The following ROBO2 variants were observed in gnomAD, a reference collection of about 807,000 sequenced individuals.
The protein encoded by ROBO2 is roundabout homolog 2.
In ROBO2, 53 loss-of-function variants were observed where a neutral mutation model predicts 160.8. The observed-to-expected ratio is 0.33, with a 90% CI of 0.26 to 0.41. The LOEUF is 0.41. Ranked by LOEUF, ROBO2 falls within the 10% of genes least tolerant of loss-of-function variation. The pLI is 1.00. For missense variants in ROBO2, 1,577 were observed against 1,722.4 expected (o/e 0.92, Z 1.49); for synonymous variants, 664 against 611.7 (o/e 1.09, Z -1.26).
chr3:77,551,704 C>T (rs182217658), intron 8 of ROBO2, among the ~76,000 whole-genome samples: 20 of 152,056 alleles, frequency 1.3e-4, no homozygotes, highest in African/African-American at 3.9e-4. Context: ...TTATTTCTTA[C>T]TCTCCTTTAT....
chr3:76,676,459 A>C (rs551976174), intron 2 of ROBO2, among the ~76,000 whole-genome samples: 16 of 152,286 alleles, frequency 1.1e-4, no homozygotes, highest in African/African-American at 3.4e-4. Context: ...GCAGTTCTTT[A>C]TAGCAGCGTG....
intron 2 of ROBO2, among the ~76,000 whole-genome samples, chr3:76,432,299 C>T (rs1003693003): frequency 6.6e-5 from 10 of 152,150 alleles, no homozygotes; most frequent in Non-Finnish European, 1.5e-4. Context: ...TCCCCAAAGT[C>T]TATTTTTACA....
chr3:77,640,078 G>C (rs1241802151), intron 24 of ROBO2, among the ~76,000 whole-genome samples: 1 of 138,992 alleles, frequency 7.2e-6, no homozygotes, highest in Non-Finnish European at 1.5e-5. Flanking sequence ...ACTGAGAGAA[G>C]AAACACTGCA....
intron 2 of ROBO2, among the ~76,000 whole-genome samples, chr3:76,302,546 T>C (rs1709414641): frequency 6.6e-6 from 1 of 152,100 alleles, no homozygotes; most frequent in Non-Finnish European, 1.5e-5. Flanking sequence ...GACGTTTTGG[T>C]CAGTGATAGA....
At chr3:76,811,293 T>C (rs2065140781) in intron 2 of ROBO2, among the ~76,000 whole-genome samples, 1 of 152,156 alleles carries the variant, frequency 6.6e-6, no homozygotes, top group African/African-American at 2.4e-5. Flanking sequence ...TAACTCTAAG[T>C]GAAAACACAG....
intron 2 of ROBO2, among the ~76,000 whole-genome samples, chr3:77,380,978 C>A (rs1329438666): frequency 6.6e-6 from 1 of 152,104 alleles, no homozygotes; most frequent in Non-Finnish European, 1.5e-5. Flanking sequence ...CTTGCTACCC[C>A]ACCCATCACC....
chr3:76,338,330 C>G (rs779866498), intron 2 of ROBO2, among the ~76,000 whole-genome samples: 19 of 152,078 alleles, frequency 1.2e-4, no homozygotes, highest in Non-Finnish European at 2.8e-4. Flanking sequence ...CAAGTTCCTT[C>G]TTTTACTTGC....
At chr3:76,433,280 G>C (rs1411143960) in intron 2 of ROBO2, among the ~76,000 whole-genome samples, 1 of 152,108 alleles carries the variant, frequency 6.6e-6, no homozygotes, top group Non-Finnish European at 1.5e-5. Flanking sequence ...CCTTAGAATA[G>C]CCAGGTTGAG....
At chr3:77,457,775 T>C (rs2081829736) in intron 2 of ROBO2, among the ~76,000 whole-genome samples, 1 of 152,110 alleles carries the variant, frequency 6.6e-6, no homozygotes. Flanking sequence ...TATTCTGTCC[T>C]CCTAAGTATT....
intron 2 of ROBO2, among the ~76,000 whole-genome samples, chr3:75,938,417 T>C (rs1304484093): frequency 5.9e-5 from 9 of 152,094 alleles, no homozygotes; most frequent in African/African-American, 2.2e-4. Context: ...TTCCGTATTT[T>C]ATGTGATAAA....
intron 2 of ROBO2, among the ~76,000 whole-genome samples, chr3:76,139,581 T>G (rs1446491836): frequency 1.3e-5 from 2 of 152,028 alleles, no homozygotes; most frequent in Non-Finnish European, 2.9e-5. Context: ...AAATTCATCT[T>G]CGTCCTCCAG....
At chr3:76,389,633 T>G (rs1260969963) in intron 2 of ROBO2, among the ~76,000 whole-genome samples, 1 of 152,198 alleles carries the variant, frequency 6.6e-6, no homozygotes, top group Non-Finnish European at 1.5e-5. Flanking sequence ...CATAAAATAC[T>G]TTGCCTCTGT....
At chr3:77,495,088 T>C (rs1235855816) in intron 5 of ROBO2, among the ~76,000 whole-genome samples, 1 of 152,208 alleles carries the variant, frequency 6.6e-6, no homozygotes, top group Non-Finnish European at 1.5e-5. Context: ...CTGTCCATCC[T>C]CTATATATAG....
In ROBO2 at chr3:76,886,545, G is replaced by A. The variant is rs575262527; in HGVS notation, c.110-211469G>A. On this transcript the variant is annotated intron_variant, in intron 2 of 26. Transcript: ENST00000487694. ...GTAGGTTTTCCTTCTTTGCACTTCC[G>A]GTAGATGCTGTTTACAGATGGGTGG... Among the ~76,000 whole-genome samples, 11 of 152,188 alleles carry A rather than the reference G, an allele frequency of 7.2e-5. No individual in the cohort carries two copies. In the South Asian group the frequency reaches 1.0e-3, roughly 14 times the overall value.
rs116656970 is a variant in ROBO2, at chr3:77,463,000, A to G, written c.389-14414A>G. ...GGCATTTTAAGTATACTTGTCCCCA[A>G]TAATTCATACTTTCATCTTTCAGTT... On this transcript the variant is annotated intron_variant, in intron 2 of 25. Transcript: ENST00000461745. 1.6e-3 allele frequency among the ~76,000 whole-genome samples: 239 copies of G among 152,314 alleles called. 3 individuals are homozygous for G. Among genetic ancestry groups the G allele is most frequent in the African/African-American group, 5.2e-3 (217 of 41,568 alleles).
chr3:76,632,923 A>T (rs1336511388), intron 2 of ROBO2, among the ~76,000 whole-genome samples: 2 of 152,216 alleles, frequency 1.3e-5, no homozygotes, highest in Admixed American at 6.5e-5. Context: ...ATCTAGTTAA[A>T]TAGATTGTGG....
chr3:77,207,893 G>A (rs970380496), intron 2 of ROBO2, among the ~76,000 whole-genome samples: 1 of 152,114 alleles, frequency 6.6e-6, no homozygotes, highest in Admixed American at 6.5e-5. Flanking sequence ...TTCAAAACGC[G>A]TGGGCACTAA....
At chr3:77,480,383 ATACATATTTTAATATTAT>A (rs2084543273) in intron 3 of ROBO2, among the ~76,000 whole-genome samples, 1 of 151,964 alleles carries the variant, frequency 6.6e-6, no homozygotes, top group Admixed American at 6.6e-5. Context: ...TCCTTAGCAA[ATACATATTTTAATATTAT>A]TGCATTTGTT....
chr3:76,241,333 C>T (rs1054482273), intron 2 of ROBO2, among the ~76,000 whole-genome samples: 13 of 152,126 alleles, frequency 8.5e-5, no homozygotes, highest in Middle Eastern at 3.2e-3. Flanking sequence ...TTCAAACAAA[C>T]GACGATGTCA....
Sources: gnomAD v4.1 joint callset for allele counts (sites outside exome capture counted in the v4.1 genomes callset) on GRCh38, gnomAD v4.1.1 for gene constraint, MANE v1.5 for transcripts, NCBI Gene and HGNC (gene_info 2026-07-23, HGNC 2026-07-21) for gene names.